Variants in OPCML observed in about 807,000 individuals in gnomAD.
OPCML encodes the protein opioid-binding protein/cell adhesion molecule.
Under a neutral mutation model 37.8 loss-of-function variants are expected in OPCML, and 13 were observed. The ratio of observed to expected loss-of-function variants is 0.34; its 90% CI spans 0.22 to 0.55. The LOEUF is 0.55. OPCML is among the 20% of genes least tolerant of loss of function. The pLI, the probability that OPCML is intolerant of heterozygous loss-of-function variation, is 0.91. For synonymous variants in OPCML, 176 were observed against 168.8 expected (o/e 1.04, Z -0.33); for missense variants, 341 against 435.6 (o/e 0.78, Z 1.93).
At chr11:133,167,053 G>A (rs1247934945) in intron 1 of OPCML, among the ~76,000 whole-genome samples, 2 of 152,160 alleles carry the variant, frequency 1.3e-5, no homozygotes, top group Admixed American at 1.3e-4. Flanking sequence ...AGTAAAAAGA[G>A]GCTGAACAGC....
intron 1 of OPCML, among the ~76,000 whole-genome samples, chr11:132,981,479 G>A (rs201769662): frequency 6.6e-6 from 1 of 152,150 alleles, no homozygotes; most frequent in Non-Finnish European, 1.5e-5. Context: ...GGGATAACGG[G>A]CACTGGCGGG....
intron 7 of OPCML, among the ~76,000 whole-genome samples, chr11:132,433,251 A>T (rs1296708365): frequency 1.3e-5 from 2 of 152,222 alleles, no homozygotes; most frequent in African/African-American, 4.8e-5. Flanking sequence ...TAGAAACACG[A>T]CAGTATTCAG....
In OPCML at chr11:132,665,052, T is replaced by G. The variant is rs529383756; in HGVS notation, c.147-7733A>C. ...ACACTAACACCAGCTGGAGGGGAGA[T>G]GTCACATTAATACATAGGAAGGGTG... On this transcript the variant is annotated intron_variant, in intron 2 of 7. Transcript: ENST00000524381. 4.9e-4 allele frequency among the ~76,000 whole-genome samples: 75 copies of G among 152,210 alleles called. No homozygotes were observed. The South Asian group carries it at 0.016, about 32-fold the overall frequency.
At chr11:132,968,415 G>A (rs1946262631) in intron 1 of OPCML, among the ~76,000 whole-genome samples, 1 of 152,170 alleles carries the variant, frequency 6.6e-6, no homozygotes, top group African/African-American at 2.4e-5. Context: ...GGCATCCAAT[G>A]GAAAGGGGCC....
chr11:132,664,235 T>C (rs369246317), intron 2 of OPCML, among the ~76,000 whole-genome samples: 3 of 152,308 alleles, frequency 2.0e-5, no homozygotes, highest in Admixed American at 6.5e-5. Flanking sequence ...CATTTATACC[T>C]AGTTTTATGA....
At chr11:132,585,867 A>C (rs935375501) in intron 3 of OPCML, among the ~76,000 whole-genome samples, 3 of 152,194 alleles carry the variant, frequency 2.0e-5, no homozygotes, top group Non-Finnish European at 4.4e-5. Flanking sequence ...CAAAGATTTC[A>C]ATAGAAATTC....
chr11:132,449,963 G>C (rs990835811), intron 4 of OPCML, among the ~76,000 whole-genome samples: 1 of 152,144 alleles, frequency 6.6e-6, no homozygotes, highest in African/African-American at 2.4e-5. Context: ...GGAGCTTCTA[G>C]GAAGTGAAGT....
chr11:133,016,222 G>T (rs1392150977), intron 1 of OPCML, among the ~76,000 whole-genome samples: 2 of 152,136 alleles, frequency 1.3e-5, no homozygotes, highest in Non-Finnish European at 2.9e-5. Context: ...TCTCTGTTTT[G>T]GGCCTCACGA....
chr11:133,264,225 T>C (rs926314507), intron 1 of OPCML, among the ~76,000 whole-genome samples: 1 of 152,110 alleles, frequency 6.6e-6, no homozygotes, highest in Admixed American at 6.5e-5. Flanking sequence ...AGGAAAGGAA[T>C]TCCCAGGGGA....
intron 4 of OPCML, among the ~76,000 whole-genome samples, chr11:132,476,086 C>T (rs140540147): frequency 1.3e-5 from 2 of 152,304 alleles, no homozygotes; most frequent in South Asian, 2.1e-4. Context: ...TACATATACA[C>T]ACTCTCATGT....
chr11:133,028,615 TC>T (rs1018769702), intron 1 of OPCML, among the ~76,000 whole-genome samples: 1 of 150,852 alleles, frequency 6.6e-6, no homozygotes, highest in African/African-American at 2.4e-5. Flanking sequence ...ACTACTCAGT[TC>T]CCCCATAGTT....
intron 1 of OPCML, among the ~76,000 whole-genome samples, chr11:133,417,595 T>C (rs563396966): frequency 6.6e-6 from 1 of 152,134 alleles, no homozygotes; most frequent in African/African-American, 2.4e-5. Flanking sequence ...TAACTGGTCA[T>C]TTAGCATTAG....
At chr11:133,268,271 T>C (rs1355302167) in intron 1 of OPCML, among the ~76,000 whole-genome samples, 2 of 152,224 alleles carry the variant, frequency 1.3e-5, no homozygotes, top group African/African-American at 4.8e-5. Context: ...TGTCATCTCA[T>C]GCAACTGATA....
rs573650329 is a variant in OPCML, at chr11:133,211,205, G to T, written c.62-268195C>A. Reference sequence around the variant, plus strand: ...GATTTAATGTACTCATTTCCCTCAGGTTCTGCTTTCTGGTGATGGTTTCCT... The same window carrying T: ...GATTTAATGTACTCATTTCCCTCAGTTTCTGCTTTCTGGTGATGGTTTCCT... On this transcript the variant is annotated intron_variant, in intron 1 of 7. Transcript: ENST00000524381. This position sits in a 1 kb window ranked among gnomAD's most constrained non-coding sequence, Gnocchi z 4.1. Among the ~76,000 whole-genome samples the T allele has an allele frequency of 2.0e-5, 3 of 152,106 alleles. No homozygotes were observed. Among genetic ancestry groups the T allele is most frequent in the African/African-American group, 7.2e-5 (3 of 41,494 alleles).
In OPCML at chr11:133,121,919, T is replaced by G. The variant is rs112701533; in HGVS notation, c.62-178909A>C. 2.0e-3 allele frequency among the ~76,000 whole-genome samples: 310 copies of G among 152,338 alleles called. 2 individuals are homozygous for G. The highest frequency in any genetic ancestry group is 4.3e-3 in the Admixed American group (66 of 15,304). ...AACATTTCTGTCCCCAGGAAAGTGA[T>G]CATTTATAATTACGCCTTATTTTTG... On this transcript the variant is annotated intron_variant, in intron 1 of 7. Transcript: ENST00000524381.
At chr11:133,496,501 T>C (rs1411358517) in intron 1 of OPCML, among the ~76,000 whole-genome samples, 2 of 152,180 alleles carry the variant, frequency 1.3e-5, no homozygotes, top group East Asian at 3.8e-4. Flanking sequence ...GTATGGTCAT[T>C]TTCACAATGT....
At chr11:132,661,194 C>A (rs1941962914) in intron 2 of OPCML, among the ~76,000 whole-genome samples, 1 of 152,268 alleles carries the variant, frequency 6.6e-6, no homozygotes, top group Non-Finnish European at 1.5e-5. Flanking sequence ...GGTGTACTTG[C>A]TCTTGGACCT....
intron 3 of OPCML, among the ~76,000 whole-genome samples, chr11:132,656,405 C>A (rs1386787946): frequency 6.6e-6 from 1 of 152,310 alleles, no homozygotes; most frequent in South Asian, 2.1e-4. Flanking sequence ...GCACGTGACA[C>A]AATTCCTGGG....
chr11:133,428,702 A>G (rs1222204221), intron 1 of OPCML, among the ~76,000 whole-genome samples: 2 of 152,202 alleles, frequency 1.3e-5, no homozygotes, highest in African/African-American at 4.8e-5. Context: ...CAATAAATGA[A>G]GAGGCATACT....
Sources: allele counts gnomAD v4.1 joint callset (sites outside exome capture counted in the v4.1 genomes callset), GRCh38; gene constraint gnomAD v4.1.1; non-coding constraint Gnocchi (gnomAD v3.1); transcripts MANE v1.5; gene names NCBI Gene and HGNC (gene_info 2026-07-23, HGNC 2026-07-21).